UBQLN4: variants seen among roughly 807,000 people sequenced by gnomAD.
UBQLN4 encodes ubiquilin-4.
A neutral mutation model predicts 60.4 loss-of-function variants in UBQLN4; 11 were observed. That is an observed-to-expected ratio of 0.18 (90% CI 0.11 to 0.30). UBQLN4 has a LOEUF of 0.30. UBQLN4 is among the 10% of genes least tolerant of loss of function. The pLI, the probability that UBQLN4 is intolerant of heterozygous loss-of-function variation, is 1.00. For missense variants in UBQLN4, 417 were observed against 795.5 expected (o/e 0.52, Z 5.72); for synonymous variants, 258 against 313.1 (o/e 0.82, Z 1.86).
At chr1:156,033,348 G>A (rs1683326854), downstream of UBQLN4, 1 of 948,716 alleles carries the variant, frequency 1.1e-6, no homozygotes, top group Admixed American at 6.2e-5. Context: ...TTTTGTGAAT[G>A]GCATGTGTGA....
Position 156,036,303 on chromosome 1 carries a change from C to T in UBQLN4, c.*675G>A, listed in dbSNP as rs544014818. ...AATAATCTCATTCCCTCCTCTTTCA[C>T]ACGAATTTCCTCTGGGCTGCTCCAG... On this transcript the variant is annotated 3_prime_UTR_variant, in exon 11 of 11. Coordinates refer to ENST00000368309, the MANE Select transcript of UBQLN4 (RefSeq NM_020131.5). 23 of 985,542 alleles carry T rather than the reference C, an allele frequency of 2.3e-5. No individual in the cohort carries two copies. Among genetic ancestry groups the T allele is most frequent in the Non-Finnish European group, 2.7e-5 (22 of 829,998 alleles). 61.0% of individuals were successfully genotyped at this position (985,542 alleles called of 1,614,324 possible).
chr1:156,042,257 G>T, intron 7 of UBQLN4, 21 bp from the exon 8 acceptor site: 1 of 1,572,348 alleles, frequency 6.4e-7, no homozygotes, highest in South Asian at 1.2e-5. Flanking sequence ...GAAGGTAGCA[G>T]GGGGAGACCT....
At position 156,050,253 on chromosome 1, in the gene UBQLN4, A is replaced by G. The variant is rs1683833501; in HGVS notation, c.741+38T>C. On this transcript the variant is annotated intron_variant, in intron 4 of 10. Coordinates refer to ENST00000368309, the MANE Select transcript of UBQLN4 (RefSeq NM_020131.5). The surrounding 1 kb of genome is among the most constrained non-coding windows in gnomAD (Gnocchi z 4.6). Reference sequence around the variant, plus strand: ...AAGGCTGGGCAGGGCACGGCTGGGCACCAGTGTCCTCCAGCTCTCCAGCCC... The same window carrying G: ...AAGGCTGGGCAGGGCACGGCTGGGCGCCAGTGTCCTCCAGCTCTCCAGCCC... 6.5e-7 allele frequency: 1 copy of G among 1,527,088 alleles called. No individual in the cohort carries two copies. Among genetic ancestry groups the G allele is most frequent in the South Asian group, 1.3e-5 (1 of 77,142 alleles). The allele number at this position is 1,527,088 out of a possible 1,614,324, so 94.6% of individuals were successfully genotyped here.
intron 7 of UBQLN4, 198 bp from the exon 8 acceptor site, chr1:156,042,434 G>C: frequency 1.4e-6 from 2 of 1,410,166 alleles, no homozygotes; most frequent in Non-Finnish European, 1.8e-6. Context: ...AGAGTATGAG[G>C]AGTCAGCCTG....
intron 5 of UBQLN4, 140 bp from the exon 6 acceptor site, chr1:156,044,363 A>G (rs1683645738): frequency 1.7e-5 from 13 of 751,550 alleles, no homozygotes; most frequent in Non-Finnish European, 2.8e-5. Context: ...TCCTCAGTTC[A>G]GTTCTTTGCC....
Position 156,036,082 on chromosome 1 carries a change from C to A in UBQLN4, c.*896G>T, listed in dbSNP as rs1447313452. 9 of 985,444 alleles carry A rather than the reference C, an allele frequency of 9.1e-6. No individual in the cohort carries two copies. Among genetic ancestry groups the A allele is most frequent in the African/African-American group, 1.7e-5 (1 of 57,232 alleles). 61.0% of individuals were successfully genotyped at this position (985,444 alleles called of 1,614,324 possible). On this transcript the variant is annotated 3_prime_UTR_variant, in exon 11 of 11. Transcript: ENST00000368309. ...GCTTGAGGAACTAAAGCCAATATGA[C>A]CCCTTGTGGGGCGTGGCGCTTAGCT... is the stretch of plus-strand genomic sequence containing the variant.
chr1:156,050,555 T>A lies in UBQLN4; in HGVS notation c.479-2A>T. On this transcript the variant is annotated splice_acceptor_variant, in intron 3 of 10. Transcript: ENST00000368309. LOFTEE classifies it high-confidence loss of function. This position sits in a 1 kb window ranked among gnomAD's most constrained non-coding sequence, Gnocchi z 4.6. ...GCCCCAGGATGCCCCCAAAGCCAGC[T>A]GTGGGAAGGGGGCAGGGTCACAGTC... 6.2e-7 allele frequency: 1 copy of A among 1,607,010 alleles called. No homozygotes were observed. Among genetic ancestry groups the A allele is most frequent in the Non-Finnish European group, 8.5e-7 (1 of 1,175,562 alleles).
chr1:156,031,258 G>A (rs1683291930), downstream of UBQLN4, among the ~76,000 whole-genome samples: 1 of 152,078 alleles, frequency 6.6e-6, no homozygotes, highest in Non-Finnish European at 1.5e-5. Context: ...AGTAATCATA[G>A]CTAACATTTA....
intron 5 of UBQLN4, among the ~76,000 whole-genome samples, chr1:156,044,822 T>C (rs1052591043): frequency 3.3e-5 from 5 of 152,090 alleles, no homozygotes; most frequent in Admixed American, 2.6e-4. Flanking sequence ...TGGCGGCCCC[T>C]AGCAGAACAC....
intron 1 of UBQLN4, among the ~76,000 whole-genome samples, chr1:156,052,288 T>A (rs1683892406): frequency 6.6e-6 from 1 of 152,244 alleles, no homozygotes; most frequent in South Asian, 2.1e-4. Flanking sequence ...GCACTACCTA[T>A]TCACCAGTTA....
intron 8 of UBQLN4, 57 bp downstream of exon 8, chr1:156,042,096 G>A: frequency 1.9e-6 from 3 of 1,609,280 alleles, no homozygotes; most frequent in South Asian, 1.1e-5. Context: ...TCCACCCATT[G>A]GGCTTCAGGG....
At chr1:156,052,290 C>T (rs930099152) in intron 1 of UBQLN4, among the ~76,000 whole-genome samples, 2 of 152,224 alleles carry the variant, frequency 1.3e-5, no homozygotes, top group Admixed American at 6.5e-5. Flanking sequence ...ACTACCTATT[C>T]ACCAGTTAAA....
At position 156,041,689 on chromosome 1, in the gene UBQLN4, C is replaced by A; in HGVS notation, c.1467-18G>T. The A allele has an allele frequency of 1.3e-6, 2 of 1,501,550 alleles. No individual in the cohort carries two copies. The highest frequency in any genetic ancestry group is 1.3e-5 in the South Asian group (1 of 75,058). The allele number at this position is 1,501,550 out of a possible 1,614,324, so 93.0% of individuals were successfully genotyped here. A position where few individuals can be genotyped will look rare whatever the true frequency, so the allele number is the denominator to read the frequency against. ...AGCCAAGGCTGTAGGCAAGAGAGAC[C>A]AAGAGGTAGGAGATGGCATCCAAGA... On this transcript the variant is annotated intron_variant, in intron 9 of 10. Coordinates refer to ENST00000368309, the MANE Select transcript of UBQLN4 (RefSeq NM_020131.5).
downstream of UBQLN4, chr1:156,033,259 G>C (rs901391454): frequency 1.0e-6 from 1 of 985,364 alleles, no homozygotes; most frequent in Admixed American, 6.1e-5. Context: ...AGATCTCCAC[G>C]GGGCTCCAAG....
At chr1:156,046,459 T>C (rs1409843860) in intron 5 of UBQLN4, among the ~76,000 whole-genome samples, 1 of 150,782 alleles carries the variant, frequency 6.6e-6, no homozygotes, top group African/African-American at 2.4e-5. Context: ...GATCACGCCA[T>C]TGCACTCCAG....
intron 10 of UBQLN4, among the ~76,000 whole-genome samples, chr1:156,040,596 C>A (rs965879723): frequency 6.6e-6 from 1 of 151,878 alleles, no homozygotes; most frequent in African/African-American, 2.4e-5. Flanking sequence ...CAGGCACCTG[C>A]CACCACGCCT....
At chr1:156,042,720 C>G (rs34224286) in intron 7 of UBQLN4, 54 bp downstream of exon 7, 10 of 1,593,202 alleles carry the variant, frequency 6.3e-6, no homozygotes, top group Non-Finnish European at 8.6e-6. Context: ...GAAACTGCCC[C>G]CAACCAAGAG....
rs1341387151 is a variant in UBQLN4, at chr1:156,036,304, A to G, written c.*674T>C. On this transcript the variant is annotated 3_prime_UTR_variant, in exon 11 of 11. Coordinates refer to ENST00000368309, the MANE Select transcript of UBQLN4 (RefSeq NM_020131.5). ...ATAATCTCATTCCCTCCTCTTTCACACGAATTTCCTCTGGGCTGCTCCAGC... is the reference window on the plus strand; with the variant it reads ...ATAATCTCATTCCCTCCTCTTTCACGCGAATTTCCTCTGGGCTGCTCCAGC... 4 of 985,164 alleles carry G rather than the reference A, an allele frequency of 4.1e-6. No individual in the cohort carries two copies. Among genetic ancestry groups the G allele is most frequent in the Non-Finnish European group, 4.8e-6 (4 of 829,938 alleles). 61.0% of individuals were successfully genotyped at this position (985,164 alleles called of 1,614,324 possible).
chr1:156,031,577 CT>C (rs58222507), downstream of UBQLN4, among the ~76,000 whole-genome samples: 2,436 of 122,656 alleles, frequency 0.02, 39 homozygotes, highest in African/African-American at 0.054. Flanking sequence ...GGAACTTCTT[CT>C]TTTTTTTTTT....
Sources: gnomAD v4.1 joint callset for allele counts (sites outside exome capture counted in the v4.1 genomes callset) on GRCh38, gnomAD v4.1.1 for gene constraint, Gnocchi (gnomAD v3.1) non-coding constraint, MANE v1.5 for transcripts, NCBI Gene and HGNC (gene_info 2026-07-23, HGNC 2026-07-21) for gene names.